Variants in VSIG4 observed in about 807,000 individuals in gnomAD.
VSIG4 encodes V-set and immunoglobulin domain containing 4.
In VSIG4, 34 loss-of-function variants were observed where a neutral mutation model predicts 23.4. That is an observed-to-expected ratio of 1.45 (90% confidence interval 1.10 to 1.93). The LOEUF is 1.93. VSIG4 is among the 30% of genes most tolerant of loss of function. The pLI is 0.00. For missense variants in VSIG4, 433 were observed against 310.8 expected (o/e 1.39, Z -2.96); for synonymous variants, 169 against 120.3 (o/e 1.41, Z -2.65).
chrX:66,034,575 T>A (rs1215208747), intron 1 of VSIG4, among the ~76,000 whole-genome samples: 1 of 112,019 alleles, frequency 8.9e-6, no homozygotes, highest in Non-Finnish European at 1.9e-5. Flanking sequence ...TTTATTTTCC[T>A]TTTGGTTTCT....
In VSIG4 at chrX:66,032,402, C is replaced by A. The variant is rs2085473650; in HGVS notation, c.694+66G>T. Reference sequence around the variant, plus strand: ...CCAATTCTTCTTTTGCATAAGGGCACCTTTTGAGGTATCTTTGTTTCAAGC... The same window carrying A: ...CCAATTCTTCTTTTGCATAAGGGCAACTTTTGAGGTATCTTTGTTTCAAGC... On this transcript the variant is annotated intron_variant, in intron 3 of 7. Transcript: ENST00000374737. The A allele has an allele frequency of 3.5e-6, 4 of 1,145,107 alleles. No homozygotes were observed. The East Asian group carries it at 1.2e-4, about 35-fold the overall frequency. 94.4% of individuals were successfully genotyped at this position (1,145,107 alleles called of 1,213,427 possible).
chrX:66,036,921 T>TTTTATTATATAA (rs2085573191), intron 1 of VSIG4, among the ~76,000 whole-genome samples: 2 of 25,554 alleles, frequency 7.8e-5, no homozygotes, highest in African/African-American at 6.5e-4. Flanking sequence ...ATATGATATA[T>TTTTATTATATAA]TATATTATAT....
chrX:66,038,370 C>T (rs1363809552), intron 1 of VSIG4, among the ~76,000 whole-genome samples: 3 of 109,870 alleles, frequency 2.7e-5, no homozygotes, highest in Admixed American at 2.0e-4. Context: ...ATAACCTGAG[C>T]CTGAGGTCTA....
chrX:66,026,702 T>A (rs1206992290), intron 5 of VSIG4, among the ~76,000 whole-genome samples: 1 of 112,069 alleles, frequency 8.9e-6, no homozygotes, highest in Non-Finnish European at 1.9e-5. Context: ...CCAGGAGTGA[T>A]AGTTATCAAA....
chrX:66,032,402 C>T, intron 3 of VSIG4, 66 bp downstream of exon 3: 1 of 1,145,107 alleles, frequency 8.7e-7, no homozygotes, highest in Non-Finnish European at 1.2e-6. Context: ...CATAAGGGCA[C>T]CTTTTGAGGT....
chrX:66,032,172 G>T (rs2085471020), intron 3 of VSIG4, among the ~76,000 whole-genome samples: 1 of 111,847 alleles, frequency 8.9e-6, no homozygotes, highest in African/African-American at 3.3e-5. Context: ...TGGGACAGTT[G>T]TGGGGATTCA....
intron 1 of VSIG4, among the ~76,000 whole-genome samples, chrX:66,036,680 A>T (rs1381339973): frequency 1.5e-5 from 1 of 65,369 alleles, no homozygotes; most frequent in African/African-American, 6.1e-5. Flanking sequence ...TAATATATAT[A>T]ATACGATATA....
chrX:66,027,454 C>T lies in VSIG4; in HGVS notation c.830G>A (p.Gly277Glu), dbSNP rs768535508. The change falls in exon 5 of 8, where the codon GGG (glycine) becomes GAG (glutamate). Residue 277 changes from glycine to glutamate, a missense_variant. Gly to Glu is a moderately conservative substitution (Grantham distance 98, BLOSUM62 -2). Coordinates refer to ENST00000374737, the MANE Select transcript of VSIG4 (RefSeq NM_007268.3). The part of the protein sequence containing the change: ...MDGYLGETSA[G>E]PGKSLPVFAI... ...AATCCTGACAATATTCCTACCTGGC[C>T]CAGCACTGGTCTCTCCAAGGTAGCC... 3 of 1,200,195 alleles carry T rather than the reference C, an allele frequency of 2.5e-6. No homozygotes were observed. In the Admixed American group the frequency reaches 6.7e-5, roughly 27 times the overall value.
chrX:66,038,848 G>A (rs771689701), intron 1 of VSIG4, among the ~76,000 whole-genome samples: 2 of 111,101 alleles, frequency 1.8e-5, no homozygotes, highest in African/African-American at 3.3e-5. Context: ...AGTCAGCTAC[G>A]GAAAGCTGGA....
chrX:66,037,993 T>C, intron 1 of VSIG4, among the ~76,000 whole-genome samples: 1 of 109,927 alleles, frequency 9.1e-6, no homozygotes, highest in Non-Finnish European at 1.9e-5. Flanking sequence ...GTTGACATTT[T>C]CCATATCTCT....
At chrX:66,032,196 T>C (rs1420919569) in intron 3 of VSIG4, among the ~76,000 whole-genome samples, 1 of 111,883 alleles carries the variant, frequency 8.9e-6, no homozygotes, top group Non-Finnish European at 1.9e-5. Flanking sequence ...AGAAAATGTG[T>C]GTCAAGTTAT....
intron 1 of VSIG4, among the ~76,000 whole-genome samples, chrX:66,034,769 GGGT>G (rs1486408612): frequency 5.5e-4 from 46 of 83,965 alleles, no homozygotes; most frequent in African/African-American, 1.5e-3. Flanking sequence ...TTGGGGATGG[GGGT>G]GGGGGTGGGG....
At chrX:66,035,050 G>A (rs1028693979) in intron 1 of VSIG4, among the ~76,000 whole-genome samples, 12 of 110,841 alleles carry the variant, frequency 1.1e-4, no homozygotes, top group Non-Finnish European at 1.5e-4. Context: ...GAGTGTATGC[G>A]TTCTAACTCC....
chrX:66,034,258 G>C (rs757498271), intron 1 of VSIG4, among the ~76,000 whole-genome samples: 3 of 112,233 alleles, frequency 2.7e-5, no homozygotes, highest in Admixed American at 9.4e-5. Context: ...AAGCAAAAAT[G>C]CTAAGCATTT....
At chrX:66,023,503 A>G (rs1055465770) in intron 6 of VSIG4, among the ~76,000 whole-genome samples, 2 of 112,385 alleles carry the variant, frequency 1.8e-5, no homozygotes, top group Non-Finnish European at 3.8e-5. Flanking sequence ...AATGACAACA[A>G]AGTAAACAAG....
intron 3 of VSIG4, among the ~76,000 whole-genome samples, chrX:66,031,017 T>A (rs1305344498): frequency 9.1e-6 from 1 of 110,433 alleles, no homozygotes; most frequent in Non-Finnish European, 1.9e-5. Context: ...GGGAGGCAGG[T>A]AGAGGTAGCC....
At chrX:66,035,742 T>A (rs2085530264) in intron 1 of VSIG4, among the ~76,000 whole-genome samples, 1 of 112,350 alleles carries the variant, frequency 8.9e-6, no homozygotes, top group Non-Finnish European at 1.9e-5. Flanking sequence ...CTGAGCCTCT[T>A]GGTTTAATAG....
intron 6 of VSIG4, 141 bp downstream of exon 6, chrX:66,024,884 C>T (rs1265447209): frequency 5.0e-6 from 2 of 399,056 alleles, no homozygotes; most frequent in Non-Finnish European, 8.6e-6. Context: ...ATCTGCCTCC[C>T]TGCACCCCAA....
chrX:66,033,894 G>A lies in VSIG4; in HGVS notation c.56-64C>T. The A allele has an allele frequency of 4.4e-6, 4 of 919,329 alleles. No homozygotes were observed. The South Asian group carries it at 7.0e-5, about 16-fold the overall frequency. The allele number at this position is 919,329 out of a possible 1,213,427, so 75.8% of individuals were successfully genotyped here. On this transcript the variant is annotated intron_variant, in intron 1 of 7. Transcript: ENST00000374737. The stretch of plus-strand genomic sequence containing the variant: ...GGCATACCTACTTGGCAACTAAGGT[G>A]ACAGTGACAAACCTCAAAAGGTTTC...
Sources: allele counts gnomAD v4.1 joint callset (sites outside exome capture counted in the v4.1 genomes callset), GRCh38; gene constraint gnomAD v4.1.1; transcripts MANE v1.5; gene names NCBI Gene and HGNC (gene_info 2026-07-23, HGNC 2026-07-21).